Variants in PTPRD observed in about 807,000 individuals in gnomAD.
PTPRD encodes receptor-type tyrosine-protein phosphatase delta.
PTPRD carries 34 observed loss-of-function variants against 214.5 expected under a neutral mutation model. The observed-to-expected ratio is 0.16, with a 90% CI of 0.12 to 0.21. PTPRD has a LOEUF of 0.21. PTPRD is among the 10% of genes least tolerant of loss of function. The pLI, the probability that PTPRD is intolerant of heterozygous loss-of-function variation, is 1.00. For missense variants in PTPRD, 2,545 were observed against 2,398.7 expected (o/e 1.06, Z -1.27); for synonymous variants, 1,128 against 845.7 (o/e 1.33, Z -5.79).
chr9:10,282,680 T>C (rs1325496482), intron 3 of PTPRD, among the ~76,000 whole-genome samples: 1 of 152,034 alleles, frequency 6.6e-6, no homozygotes. Flanking sequence ...CCAACTTACA[T>C]AGAATATTAA....
intron 2 of PTPRD, among the ~76,000 whole-genome samples, chr9:10,501,820 A>T (rs833445): frequency 0.15 from 23,468 of 151,892 alleles, 2,233 homozygotes; most frequent in Admixed American, 0.28. Context: ...GACAAATTCA[A>T]CACAGAAGGT....
intron 11 of PTPRD, among the ~76,000 whole-genome samples, chr9:8,743,920 G>A (rs2092451401): frequency 6.6e-6 from 1 of 150,758 alleles, no homozygotes; most frequent in Non-Finnish European, 1.5e-5. Context: ...AATCTACAAA[G>A]AACTCAAACT....
chr9:9,809,148 C>G, intron 5 of PTPRD, among the ~76,000 whole-genome samples: 1 of 151,926 alleles, frequency 6.6e-6, no homozygotes, highest in Non-Finnish European at 1.5e-5. Context: ...TTGTGGGTCT[C>G]CCATGTCAAT....
chr9:8,913,138 A>C (rs185496414), intron 11 of PTPRD, among the ~76,000 whole-genome samples: 1 of 152,106 alleles, frequency 6.6e-6, no homozygotes, highest in Admixed American at 6.6e-5. Flanking sequence ...TTTAAAAAAA[A>C]ACTTTATGAA....
At chr9:10,572,060 G>T (rs189094762) in intron 2 of PTPRD, among the ~76,000 whole-genome samples, 1 of 152,136 alleles carries the variant, frequency 6.6e-6, no homozygotes, top group Admixed American at 6.5e-5. Flanking sequence ...TAGACATACA[G>T]ACATAGAAAC....
intron 9 of PTPRD, among the ~76,000 whole-genome samples, chr9:9,341,918 C>A (rs1443227704): frequency 6.6e-6 from 1 of 152,130 alleles, no homozygotes; most frequent in African/African-American, 2.4e-5. Flanking sequence ...AAGTGATTCT[C>A]CTGCCTCAGC....
chr9:9,698,811 G>C (rs2097432520), intron 7 of PTPRD, among the ~76,000 whole-genome samples: 1 of 152,164 alleles, frequency 6.6e-6, no homozygotes, highest in Admixed American at 6.6e-5. Flanking sequence ...GTGCCTGGAA[G>C]ATTTGAGAAA....
intron 35 of PTPRD, among the ~76,000 whole-genome samples, chr9:8,405,153 A>T (rs2092840109): frequency 6.6e-6 from 1 of 152,166 alleles, no homozygotes; most frequent in African/African-American, 2.4e-5. Flanking sequence ...ACTTAATGGC[A>T]ACTTAAGGTT....
chr9:8,759,508 C>T (rs778202468), intron 11 of PTPRD, among the ~76,000 whole-genome samples: 6 of 152,070 alleles, frequency 3.9e-5, no homozygotes, highest in African/African-American at 9.7e-5. Flanking sequence ...TGACAATACA[C>T]TGACTTTACA....
chr9:8,376,749 T>G, intron 37 of PTPRD, 23 bp from the exon 38 acceptor site: 7 of 1,612,222 alleles, frequency 4.3e-6, no homozygotes, highest in Non-Finnish European at 5.9e-6. Context: ...AGTGACACAT[T>G]CAGGGCAAAT....
At chr9:8,940,830 A>ATGG (rs749723106) in intron 11 of PTPRD, among the ~76,000 whole-genome samples, 9 of 26,918 alleles carry the variant, frequency 3.3e-4, no homozygotes, top group Non-Finnish European at 8.3e-4. Flanking sequence ...AACATTAGTG[A>ATGG]TGATGATGAT....
intron 3 of PTPRD, among the ~76,000 whole-genome samples, chr9:10,119,312 C>G (rs1039095964): frequency 1.3e-5 from 2 of 151,948 alleles, no homozygotes; most frequent in African/African-American, 4.8e-5. Context: ...CATCCAAAGA[C>G]AGATTCTAAA....
intron 43 of PTPRD, among the ~76,000 whole-genome samples, chr9:8,336,628 C>CAAAA (rs764320816): frequency 1.3e-4 from 15 of 114,574 alleles, no homozygotes; most frequent in African/African-American, 3.1e-4. Context: ...TTCTGCAGAG[C>CAAAA]AAAAAAAAAA....
intron 14 of PTPRD, among the ~76,000 whole-genome samples, chr9:8,584,622 T>C (rs1188507960): frequency 1.3e-5 from 2 of 152,180 alleles, no homozygotes; most frequent in Admixed American, 6.5e-5. Context: ...TTATGTATTA[T>C]TTTTCCAATG....
chr9:9,564,934 C>T (rs1201740688), intron 8 of PTPRD, among the ~76,000 whole-genome samples: 4 of 112,878 alleles, frequency 3.5e-5, no homozygotes, highest in African/African-American at 1.3e-4. Flanking sequence ...TAAGGCTAAC[C>T]TGTTATGGGC....
chr9:9,967,459 G>C (rs1012593358), intron 4 of PTPRD, among the ~76,000 whole-genome samples: 4 of 152,152 alleles, frequency 2.6e-5, no homozygotes, highest in African/African-American at 7.2e-5. Context: ...ATCATTGGTT[G>C]AGAGAGGGAA....
At chr9:10,071,389 A>G (rs748988503) in intron 3 of PTPRD, among the ~76,000 whole-genome samples, 10 of 152,094 alleles carry the variant, frequency 6.6e-5, no homozygotes, top group Non-Finnish European at 1.2e-4. Flanking sequence ...GTAGAGCTAC[A>G]GTAACCAAGT....
intron 4 of PTPRD, among the ~76,000 whole-genome samples, chr9:9,967,336 TAAC>T (rs375197319): frequency 3.3e-5 from 5 of 152,162 alleles, no homozygotes; most frequent in Non-Finnish European, 5.9e-5. Context: ...TAAAGGCCCT[TAAC>T]AACTAGAATT....
intron 22 of PTPRD, 76 bp from the exon 23 acceptor site, chr9:8,504,481 T>C (rs1174873959): frequency 6.7e-7 from 1 of 1,500,696 alleles, no homozygotes; most frequent in East Asian, 2.3e-5. Flanking sequence ...GTCTGGACCA[T>C]CAGATTTCTA....
Sources: gnomAD v4.1 joint callset for allele counts (sites outside exome capture counted in the v4.1 genomes callset) on GRCh38, gnomAD v4.1.1 for gene constraint, MANE v1.5 for transcripts, NCBI Gene and HGNC (gene_info 2026-07-23, HGNC 2026-07-21) for gene names.